Variants in OGDHL observed in about 807,000 individuals in gnomAD.
The protein encoded by OGDHL is oxoglutarate dehydrogenase L.
A neutral mutation model predicts 109.6 loss-of-function variants in OGDHL; 79 were observed. The ratio of observed to expected loss-of-function variants is 0.72; its 90% CI spans 0.60 to 0.87. OGDHL has a LOEUF of 0.87. OGDHL is among the 40% of genes least tolerant of loss of function. OGDHL has a pLI of 0.00. For synonymous variants in OGDHL, 528 were observed against 537.2 expected, an observed-to-expected ratio of 0.98 and a Z score of 0.24; for missense variants, 1,275 against 1,362.2, an observed-to-expected ratio of 0.94 and a Z score of 1.01.
intron 1 of OGDHL, among the ~76,000 whole-genome samples, chr10:49,760,373 G>A (rs1843198237): frequency 6.6e-6 from 1 of 152,314 alleles, no homozygotes; most frequent in Non-Finnish European, 1.5e-5. Context: ...TGCCAGGCAT[G>A]AGCTCTGGGG....
rs759220979 is a variant in OGDHL at position 49,736,338 on chromosome 10, A to G, written c.2754+19T>C. The G allele has an allele frequency of 2.5e-6, 4 of 1,614,020 alleles. No individual in the cohort carries two copies. Among genetic ancestry groups the G allele is most frequent in the Non-Finnish European group, 3.4e-6 (4 of 1,179,960 alleles). ...GTGAGCTTGCCCATCACTTGACTGT[A>G]CAAGGGGTTCAGGCACACCTGCTCC... On this transcript the variant is annotated intron_variant, in intron 21 of 22. Coordinates refer to ENST00000374103, the MANE Select transcript of OGDHL (RefSeq NM_018245.3).
At chr10:49,749,875 C>T in intron 7 of OGDHL, 59 bp from the exon 8 acceptor site, 1 of 1,461,450 alleles carries the variant, frequency 6.8e-7, no homozygotes. Flanking sequence ...AGGGTTCCCT[C>T]CCCCACTGTG....
chr10:49,751,080 A>G, intron 6 of OGDHL, 95 bp from the exon 7 acceptor site: 1 of 1,199,888 alleles, frequency 8.3e-7, no homozygotes, highest in Non-Finnish European at 1.2e-6. Flanking sequence ...TCAGAGCTGA[A>G]TGCTGAGGAC....
rs1288323882 is a variant in OGDHL at position 49,737,778 on chromosome 10, G to A, written c.2590+8C>T. 2 of 1,613,984 alleles carry A rather than the reference G, an allele frequency of 1.2e-6. No homozygotes were observed. The highest frequency in any genetic ancestry group is 1.7e-6 in the Non-Finnish European group (2 of 1,179,994). On this transcript the variant is annotated splice_region_variant and intron_variant, in intron 20 of 22. Coordinates refer to ENST00000374103, the MANE Select transcript of OGDHL (RefSeq NM_018245.3). The stretch of plus-strand genomic sequence containing the variant: ...GGGCTACCCCACACACCCAGGCCAG[G>A]CACGTACCGGATACCATTTGGTCAA...
chr10:49,748,342 AG>A (rs1842343449), intron 8 of OGDHL, among the ~76,000 whole-genome samples: 1 of 152,212 alleles, frequency 6.6e-6, no homozygotes, highest in African/African-American at 2.4e-5. Context: ...CTTAGAAATA[AG>A]GTTGCACTGG....
At chr10:49,758,643 A>C (rs1329182415) in intron 1 of OGDHL, 50 bp from the exon 2 acceptor site, 2 of 1,575,270 alleles carry the variant, frequency 1.3e-6, no homozygotes, top group Admixed American at 3.5e-5. Context: ...CCAAGACAGG[A>C]AGAGGCTCTA....
At chr10:49,761,923 C>A (rs1412255482) in intron 1 of OGDHL, among the ~76,000 whole-genome samples, 1 of 152,226 alleles carries the variant, frequency 6.6e-6, no homozygotes, top group East Asian at 1.9e-4. Flanking sequence ...CCCCTGGCCA[C>A]GGAAGGCGCG....
At chr10:49,736,735 G>A (rs1178465844) in intron 20 of OGDHL, among the ~76,000 whole-genome samples, 7 of 152,184 alleles carry the variant, frequency 4.6e-5, no homozygotes, top group Admixed American at 4.6e-4. Context: ...ACACCCAAGG[G>A]TTGAGCCCTG....
chr10:49,737,668 C>T (rs1841299040), intron 20 of OGDHL, 118 bp downstream of exon 20: 5 of 1,098,132 alleles, frequency 4.6e-6, no homozygotes, highest in Admixed American at 4.0e-5. Flanking sequence ...CCAGGAGCTG[C>T]TGCAGGTCAG....
rs1177019632 is a variant in OGDHL, at chr10:49,752,080, G to A, written c.594+53C>T. ...AAAGACAGTGCCTTCCCGTCCTCTG[G>A]CAAGCTCCAAAGAGCTGCTTCAGCT... On this transcript the variant is annotated intron_variant, in intron 5 of 22. Transcript: ENST00000374103. The A allele has an allele frequency of 4.4e-6, 7 of 1,607,770 alleles. No individual in the cohort carries two copies. In the African/African-American group the frequency reaches 8.0e-5, roughly 18 times the overall value.
In OGDHL at chr10:49,739,760, C is replaced by T. The variant is rs111949002; in HGVS notation, c.2220G>A (p.Thr740=). 7.4e-6 allele frequency: 12 copies of T among 1,614,118 alleles called. No homozygotes were observed. Among genetic ancestry groups the T allele is most frequent in the African/African-American group, 4.0e-5 (3 of 75,056 alleles). ...WEAQFGDFHN[T]AQCIIDQFIS... Reference sequence around the variant, plus strand: ...TGAACTGGTCGATGATGCACTGGGCCGTGTTGTGGAAGTCCCCAAACTGGG... The same window carrying T: ...TGAACTGGTCGATGATGCACTGGGCTGTGTTGTGGAAGTCCCCAAACTGGG... The change falls in exon 17 of 23, where the codon ACG becomes ACA. Residue 740 remains threonine (T), a synonymous_variant. Coordinates refer to ENST00000374103, the MANE Select transcript of OGDHL (RefSeq NM_018245.3).
chr10:49,760,743 G>A (rs918912318), intron 1 of OGDHL, among the ~76,000 whole-genome samples: 7 of 152,220 alleles, frequency 4.6e-5, no homozygotes, highest in African/African-American at 1.7e-4. Flanking sequence ...AGGCTAAGCT[G>A]GCTAATCTGG....
intron 15 of OGDHL, 54 bp downstream of exon 15, chr10:49,742,774 G>A: frequency 6.4e-7 from 1 of 1,569,626 alleles, no homozygotes; most frequent in Non-Finnish European, 8.6e-7. Flanking sequence ...CCCAAGCCAG[G>A]CCCAGCTTCT....
At position 49,751,967 on chromosome 10, in the gene OGDHL, C is replaced by T; in HGVS notation, c.609G>A (p.Gln203=). The T allele has an allele frequency of 1.2e-6, 2 of 1,614,186 alleles. No individual in the cohort carries two copies. Among genetic ancestry groups the T allele is most frequent in the Non-Finnish European group, 1.7e-6 (2 of 1,180,038 alleles). The change falls in exon 6 of 23, where the codon CAG becomes CAA. Residue 203 remains glutamine (Q), a synonymous_variant. Transcript: ENST00000374103. Reference sequence around the variant, plus strand: ...TGAACATGAACTCCAGGCCAATGTGCTGGCAGTAGGTGTTCTGGGGAGACA... The same window carrying T: ...TGAACATGAACTCCAGGCCAATGTGTTGGCAGTAGGTGTTCTGGGGAGACA... The part of the protein sequence containing the change: ...IIRRLENTYC[Q]HIGLEFMFIN...
At position 49,737,791 on chromosome 10, in the gene OGDHL, A is replaced by C. The variant is rs1256835698; in HGVS notation, c.2585T>G (p.Val862Gly). 6.2e-7 allele frequency: 1 copy of C among 1,614,046 alleles called. No homozygotes were observed. Residue 862 changes from valine to glycine, a missense_variant, in exon 20 of 23, where the codon GTA (valine) becomes GGA (glycine). Transcript: ENST00000374103. Reference sequence around the variant, plus strand: ...CACCCAGGCCAGGCACGTACCGGATACCATTTGGTCAAAGCTGGACTTGGC... The same window carrying C: ...CACCCAGGCCAGGCACGTACCGGATCCCATTTGGTCAAAGCTGGACTTGGC... ...PEAKSSFDQM[V>G]SGTSFQRVIP... is the part of the protein sequence containing the mutation.
chr10:49,743,320 A>C (rs1472835777), intron 14 of OGDHL, among the ~76,000 whole-genome samples: 1 of 152,178 alleles, frequency 6.6e-6, no homozygotes, highest in African/African-American at 2.4e-5. Flanking sequence ...TGTCAGCCCC[A>C]CACACAGAGG....
At chr10:49,761,161 T>C (rs1414316250) in intron 1 of OGDHL, among the ~76,000 whole-genome samples, 1 of 150,894 alleles carries the variant, frequency 6.6e-6, no homozygotes, top group East Asian at 2.0e-4. Flanking sequence ...CAACAAGGAG[T>C]GAGAGTCAGG....
In OGDHL at chr10:49,735,964, G is replaced by A. The variant is rs1179986309; in HGVS notation, c.2909+59C>T. The A allele has an allele frequency of 1.3e-5, 19 of 1,503,450 alleles. No homozygotes were observed. The East Asian group carries it at 1.4e-4, about 11-fold the overall frequency. 93.1% of individuals were successfully genotyped at this position (1,503,450 alleles called of 1,614,324 possible). ...GGGTAGCATGGCCTATGGGACAGAT[G>A]GAGCCAGGACAGAGCCTCAGGGCCG... On this transcript the variant is annotated intron_variant, in intron 22 of 22. Coordinates refer to ENST00000374103, the MANE Select transcript of OGDHL (RefSeq NM_018245.3).
chr10:49,734,847 T>C lies in OGDHL; in HGVS notation c.*381A>G, dbSNP rs1292013230. 1 of 163,816 alleles carries C rather than the reference T, an allele frequency of 6.1e-6. No homozygotes were observed. Among genetic ancestry groups the C allele is most frequent in the Non-Finnish European group, 1.3e-5 (1 of 76,062 alleles). 10.1% of individuals were successfully genotyped at this position (163,816 alleles called of 1,614,324 possible). On this transcript the variant is annotated 3_prime_UTR_variant, in exon 23 of 23. Coordinates refer to ENST00000374103, the MANE Select transcript of OGDHL (RefSeq NM_018245.3). ...TAAGAGCACAGAAGAGAACATCGCTTTGAATCTACAGATAAGCGAGGGTGG... is the reference window on the plus strand; with the variant it reads ...TAAGAGCACAGAAGAGAACATCGCTCTGAATCTACAGATAAGCGAGGGTGG...
Sources: allele counts gnomAD v4.1 joint callset (sites outside exome capture counted in the v4.1 genomes callset), GRCh38; gene constraint gnomAD v4.1.1; transcripts MANE v1.5; gene names NCBI Gene and HGNC (gene_info 2026-07-23, HGNC 2026-07-21).